Variants in CACNA1C observed in about 807,000 individuals in gnomAD.
CACNA1C encodes voltage-dependent L-type calcium channel subunit alpha-1C.
A neutral mutation model predicts 229.0 loss-of-function variants in CACNA1C; 30 were observed. That is an observed-to-expected ratio of 0.13 (90% confidence interval 0.10 to 0.18). The LOEUF (loss-of-function observed/expected upper bound fraction) is 0.18. Among genes scored for constraint, CACNA1C ranks in the 10% least tolerant of loss-of-function variants. CACNA1C has a pLI of 1.00. For synonymous variants in CACNA1C, 1,114 were observed against 1,132.5 expected (o/e 0.98, Z 0.33); for missense variants, 1,658 against 2,845.0 (o/e 0.58, Z 9.49).
chr12:2,016,815 G>A (rs528628991), intron 1 of CACNA1C, among the ~76,000 whole-genome samples: 23 of 152,302 alleles, frequency 1.5e-4, no homozygotes, highest in African/African-American at 5.1e-4. Context: ...ATTACCTAAG[G>A]TGCCAGACAC....
rs1410993421 is a variant in CACNA1C, at chr12:2,152,821, T to C, written c.477+32391T>C. On this transcript the variant is annotated intron_variant, in intron 3 of 46. Coordinates refer to ENST00000399655, the MANE Select transcript of CACNA1C (RefSeq NM_000719.7). This position sits in a 1 kb window ranked among gnomAD's most constrained non-coding sequence, Gnocchi z 4.2. The stretch of plus-strand genomic sequence containing the variant: ...CTCCTCCTCCTCTTTCCGTTTCCCA[T>C]GTCACCCACAGGACTGGTGTGCCCG... Among the ~76,000 whole-genome samples the C allele has an allele frequency of 6.6e-6, 1 of 152,210 alleles. No individual in the cohort carries two copies. The highest frequency in any genetic ancestry group is 1.5e-5 in the Non-Finnish European group (1 of 68,044).
At chr12:2,443,875 G>GT (rs535285798) in intron 3 of CACNA1C, among the ~76,000 whole-genome samples, 18 of 151,972 alleles carry the variant, frequency 1.2e-4, no homozygotes, top group East Asian at 1.9e-4. Context: ...GTTTTTTGTT[G>GT]TTTTTTTTAA....
intron 3 of CACNA1C, among the ~76,000 whole-genome samples, chr12:2,317,910 G>A (rs1393499082): frequency 1.3e-5 from 2 of 152,180 alleles, no homozygotes; most frequent in Non-Finnish European, 2.9e-5. Context: ...GGATGCAGTG[G>A]CTTGATCTCA....
At chr12:2,166,341 A>T (rs60648483) in intron 3 of CACNA1C, among the ~76,000 whole-genome samples, 1 of 152,352 alleles carries the variant, frequency 6.6e-6, no homozygotes, top group African/African-American at 2.4e-5. Context: ...AAACATAAAG[A>T]TAATGGGCAA....
At chr12:2,267,608 C>T (rs894280949) in intron 3 of CACNA1C, among the ~76,000 whole-genome samples, 3 of 152,126 alleles carry the variant, frequency 2.0e-5, no homozygotes. Context: ...AGAAAGAACC[C>T]GAAGCTCAGC....
chr12:2,363,666 CTG>C (rs2097640190), intron 3 of CACNA1C, among the ~76,000 whole-genome samples: 1 of 152,104 alleles, frequency 6.6e-6, no homozygotes, highest in African/African-American at 2.4e-5. Context: ...AAGGTGATCT[CTG>C]TATAAGAATA....
chr12:2,301,454 C>T (rs183117323), intron 3 of CACNA1C, among the ~76,000 whole-genome samples: 1 of 152,192 alleles, frequency 6.6e-6, no homozygotes, highest in Admixed American at 6.5e-5. Flanking sequence ...TGATTTGCCC[C>T]GGAGGTGAAA....
intron 1 of CACNA1C, among the ~76,000 whole-genome samples, chr12:2,003,060 GA>G (rs1348477931): frequency 6.6e-6 from 1 of 152,140 alleles, no homozygotes; most frequent in African/African-American, 2.4e-5. Context: ...TGGCTACTAG[GA>G]GAGCAGACCT....
chr12:2,674,658 A>C lies in CACNA1C; in HGVS notation c.4828+16A>C. 1 of 1,541,772 alleles carries C rather than the reference A, an allele frequency of 6.5e-7. No individual in the cohort carries two copies. The highest frequency in any genetic ancestry group is 8.8e-7 in the Non-Finnish European group (1 of 1,140,130). On this transcript the variant is annotated intron_variant, in intron 39 of 46. Coordinates refer to ENST00000399655, the MANE Select transcript of CACNA1C (RefSeq NM_000719.7). ...CCTGCAGGTGGTGAGTGCTCCCTGG[A>C]CTCCCGCACCTTGGCCACTGCCTGG...
chr12:2,284,033 G>A (rs1394327237), intron 3 of CACNA1C, among the ~76,000 whole-genome samples: 6 of 152,124 alleles, frequency 3.9e-5, no homozygotes, highest in African/African-American at 1.2e-4. Context: ...CCCGGGTGAG[G>A]AGAGAGACCA....
intron 5 of CACNA1C, among the ~76,000 whole-genome samples, chr12:2,482,794 T>C (rs2099681524): frequency 6.6e-6 from 1 of 152,130 alleles, no homozygotes; most frequent in African/African-American, 2.4e-5. Flanking sequence ...CCTAAGTCTT[T>C]CCCGGACACT....
chr12:2,429,395 G>A (rs1251185971), intron 3 of CACNA1C, among the ~76,000 whole-genome samples: 1 of 152,144 alleles, frequency 6.6e-6, no homozygotes, highest in Non-Finnish European at 1.5e-5. Flanking sequence ...TCGGCTAACA[G>A]AGAGAATTCT....
At chr12:2,356,890 G>A (rs952717398) in intron 3 of CACNA1C, among the ~76,000 whole-genome samples, 1 of 152,182 alleles carries the variant, frequency 6.6e-6, no homozygotes, top group East Asian at 1.9e-4. Context: ...CTTGCCCAGG[G>A]TCACACAGCT....
chr12:1,975,441 G>C lies in CACNA1C; in HGVS notation c.139+4240G>C, dbSNP rs190962580. Reference sequence around the variant, plus strand: ...ACAAAAATTAGTAATATAAAACACAGAATCTAAAAGAATACACATTATATA... The same window carrying C: ...ACAAAAATTAGTAATATAAAACACACAATCTAAAAGAATACACATTATATA... On this transcript the variant is annotated intron_variant, in intron 1 of 46. Coordinates refer to the CACNA1C transcript ENST00000682462. Among the ~76,000 whole-genome samples the C allele has an allele frequency of 2.0e-5, 3 of 152,130 alleles. No homozygotes were observed. The East Asian group carries it at 5.8e-4, about 29-fold the overall frequency.
chr12:2,056,135 A>G (rs1374356308), intron 1 of CACNA1C, among the ~76,000 whole-genome samples: 1 of 151,862 alleles, frequency 6.6e-6, no homozygotes, highest in African/African-American at 2.4e-5. Flanking sequence ...GAGATGTGGA[A>G]TGCACCAGTC....
intron 1 of CACNA1C, among the ~76,000 whole-genome samples, chr12:2,055,179 A>T (rs2054192784): frequency 6.6e-6 from 1 of 152,198 alleles, no homozygotes; most frequent in Non-Finnish European, 1.5e-5. Flanking sequence ...TGTTGACCCC[A>T]TCCCTCACCT....
intron 7 of CACNA1C, among the ~76,000 whole-genome samples, chr12:2,499,366 T>C (rs927583662): frequency 1.3e-5 from 2 of 152,064 alleles, no homozygotes; most frequent in Admixed American, 6.6e-5. Context: ...CGATTCAGCC[T>C]TTTTGGATCC....
chr12:1,972,558 T>G (rs946629511), intron 1 of CACNA1C, among the ~76,000 whole-genome samples: 2 of 152,226 alleles, frequency 1.3e-5, no homozygotes, highest in Non-Finnish European at 2.9e-5. Flanking sequence ...TTCAAGAACC[T>G]ATTTCACCAA....
At chr12:2,049,424 TCC>T (rs2051703714), upstream of CACNA1C, 1 of 152,234 alleles carries the variant, frequency 6.6e-6, no homozygotes, top group East Asian at 1.9e-4. Flanking sequence ...TTAGTTCATT[TCC>T]AGGTTTTCAC....
Sources: gnomAD v4.1 joint callset for allele counts (sites outside exome capture counted in the v4.1 genomes callset) on GRCh38, gnomAD v4.1.1 for gene constraint, Gnocchi (gnomAD v3.1) non-coding constraint, MANE v1.5 for transcripts, NCBI Gene and HGNC (gene_info 2026-07-23, HGNC 2026-07-21) for gene names.